The following DOCK3 variants were observed in gnomAD, a reference collection of about 807,000 sequenced individuals.
The protein encoded by DOCK3 is dedicator of cytokinesis protein 3.
A neutral mutation model predicts 265.6 loss-of-function variants in DOCK3; 60 were observed. That is an observed-to-expected ratio of 0.23 (90% CI 0.18 to 0.28). DOCK3 has a LOEUF of 0.28. Among genes scored for constraint, DOCK3 ranks in the 10% least tolerant of loss-of-function variants. The pLI, the probability that DOCK3 is intolerant of heterozygous loss-of-function variation, is 1.00. For synonymous variants in DOCK3, 881 were observed against 938.0 expected (o/e 0.94, Z 1.11); for missense variants, 1,981 against 2,594.3 (o/e 0.76, Z 5.14).
chr3:50,754,558 C>CTTT (rs541191723), intron 1 of DOCK3, among the ~76,000 whole-genome samples: 5 of 136,682 alleles, frequency 3.7e-5, no homozygotes, highest in African/African-American at 5.4e-5. Flanking sequence ...GTTTTAACAA[C>CTTT]TTTTTTTTTT....
intron 1 of DOCK3, among the ~76,000 whole-genome samples, chr3:50,698,738 G>T (rs1354837971): frequency 1.3e-5 from 2 of 151,356 alleles, no homozygotes; most frequent in African/African-American, 2.4e-5. Flanking sequence ...TCTCATTGTG[G>T]TTTTAATTTG....
At chr3:50,990,225 A>G (rs889207184) in intron 5 of DOCK3, among the ~76,000 whole-genome samples, 2 of 152,220 alleles carry the variant, frequency 1.3e-5, no homozygotes, top group Admixed American at 6.5e-5. Flanking sequence ...ACGACTTGGA[A>G]AACATGTTTC....
intron 32 of DOCK3, among the ~76,000 whole-genome samples, chr3:51,317,232 G>T (rs1371215860): frequency 6.7e-6 from 1 of 148,650 alleles, no homozygotes; most frequent in African/African-American, 2.5e-5. Flanking sequence ...CCTTTCTTCA[G>T]TTGTCTTTCT....
At chr3:50,717,424 CA>C (rs2037183306) in intron 1 of DOCK3, among the ~76,000 whole-genome samples, 1 of 151,930 alleles carries the variant, frequency 6.6e-6, no homozygotes, top group Non-Finnish European at 1.5e-5. Context: ...GGGATCTTTT[CA>C]ATGATTGTAT....
Position 51,259,291 on chromosome 3 carries a change from G to T in DOCK3, c.2185-865G>T, listed in dbSNP as rs2079723778. Among the ~76,000 whole-genome samples, 9 of 152,150 alleles carry T rather than the reference G, an allele frequency of 5.9e-5. 1 individual carries two copies. The highest frequency in any genetic ancestry group is 5.9e-4 in the Admixed American group (9 of 15,276). On this transcript the variant is annotated intron_variant, in intron 22 of 52. Transcript: ENST00000266037. ...GATCATGAAAGGTAGTTTGGGAATTGTTTCCTGTTTTATATTTCAAGTACC... is the reference window on the plus strand; with the variant it reads ...GATCATGAAAGGTAGTTTGGGAATTTTTTCCTGTTTTATATTTCAAGTACC...
chr3:50,954,507 C>CT (rs2076676982), intron 5 of DOCK3, among the ~76,000 whole-genome samples: 1 of 151,988 alleles, frequency 6.6e-6, no homozygotes, highest in Admixed American at 6.6e-5. Flanking sequence ...AAAATAAAGC[C>CT]TTTCTGATGG....
chr3:51,177,380 TAACC>T (rs2087016369), intron 12 of DOCK3, among the ~76,000 whole-genome samples: 1 of 152,226 alleles, frequency 6.6e-6, no homozygotes, highest in Admixed American at 6.5e-5. Flanking sequence ...TACTTCTTGT[TAACC>T]AATAATATAG....
intron 21 of DOCK3, among the ~76,000 whole-genome samples, chr3:51,238,486 A>G (rs1202498683): frequency 3.9e-5 from 6 of 151,974 alleles, no homozygotes; most frequent in African/African-American, 1.5e-4. Flanking sequence ...GTTCAGGGGT[A>G]CATGTGCAGG....
intron 1 of DOCK3, among the ~76,000 whole-genome samples, chr3:50,707,435 TA>T (rs778924258): frequency 8.3e-3 from 1,140 of 136,552 alleles, no homozygotes; most frequent in Middle Eastern, 0.019. Flanking sequence ...AGACTCTGTC[TA>T]AAAAAAAAAA....
At chr3:51,041,196 ATATATATATTTTTTTTTTTTTTT>A (rs2080508268) in intron 5 of DOCK3, among the ~76,000 whole-genome samples, 1 of 14,522 alleles carries the variant, frequency 6.9e-5, no homozygotes, top group Non-Finnish European at 1.0e-4. Flanking sequence ...ATATATATAT[ATATATATATTTTTTTTTTTTTTT>A]TTTTTTTTTT....
intron 27 of DOCK3, among the ~76,000 whole-genome samples, chr3:51,281,901 C>T (rs113156523): frequency 0.015 from 2,172 of 147,844 alleles, 60 homozygotes; most frequent in African/African-American, 0.05. Flanking sequence ...AGTTCGATGT[C>T]GCAAAAGATC....
intron 14 of DOCK3, among the ~76,000 whole-genome samples, chr3:51,222,031 A>G (rs896953359): frequency 6.6e-6 from 1 of 152,236 alleles, no homozygotes; most frequent in Non-Finnish European, 1.5e-5. Context: ...TTTAAAAAAT[A>G]TATGTACACA....
At chr3:50,829,731 A>C (rs2045014275) in intron 2 of DOCK3, among the ~76,000 whole-genome samples, 1 of 152,216 alleles carries the variant, frequency 6.6e-6, no homozygotes, top group Non-Finnish European at 1.5e-5. Flanking sequence ...TTTTGTCAGG[A>C]CTAGAACCAG....
chr3:50,936,289 T>G (rs1178737913), intron 5 of DOCK3, among the ~76,000 whole-genome samples: 5 of 151,854 alleles, frequency 3.3e-5, no homozygotes, highest in African/African-American at 1.2e-4. Flanking sequence ...AAATGAGCTC[T>G]GCTTCCAGAG....
chr3:51,282,937 A>G (rs1310725364), intron 27 of DOCK3, among the ~76,000 whole-genome samples: 1 of 152,202 alleles, frequency 6.6e-6, no homozygotes, highest in Non-Finnish European at 1.5e-5. Context: ...AAAAATCTCC[A>G]GCAAAATACT....
chr3:51,070,503 A>G (rs1332299810), intron 6 of DOCK3, among the ~76,000 whole-genome samples: 1 of 152,150 alleles, frequency 6.6e-6, no homozygotes, highest in African/African-American at 2.4e-5. Flanking sequence ...TCTACTTCCC[A>G]AAGTGCTTAG....
chr3:51,212,239 G>A (rs1316965198), intron 13 of DOCK3, among the ~76,000 whole-genome samples: 2 of 152,136 alleles, frequency 1.3e-5, no homozygotes, highest in South Asian at 2.1e-4. Context: ...TAGAAGTAGA[G>A]AGCAGCTCTT....
chr3:50,738,619 G>A (rs2038800611), intron 1 of DOCK3, among the ~76,000 whole-genome samples: 1 of 152,168 alleles, frequency 6.6e-6, no homozygotes, highest in Non-Finnish European at 1.5e-5. Flanking sequence ...GGAAAAAGAG[G>A]GAAGTGATTT....
At chr3:51,094,405 G>A (rs2082746624) in intron 9 of DOCK3, among the ~76,000 whole-genome samples, 1 of 111,410 alleles carries the variant, frequency 9.0e-6, no homozygotes, top group Non-Finnish European at 1.8e-5. Context: ...TGGGAGGTGT[G>A]TGTCCAGGAA....
Sources: gnomAD v4.1 joint callset for allele counts (sites outside exome capture counted in the v4.1 genomes callset) on GRCh38, gnomAD v4.1.1 for gene constraint, MANE v1.5 for transcripts, NCBI Gene and HGNC (gene_info 2026-07-23, HGNC 2026-07-21) for gene names.